GRM5: variants seen among roughly 807,000 people sequenced by gnomAD.
The protein encoded by GRM5 is metabotropic glutamate receptor 5.
A neutral mutation model predicts 83.1 loss-of-function variants in GRM5; 19 were observed. The observed-to-expected ratio is 0.23, with a 90% CI of 0.16 to 0.34. GRM5 has a LOEUF of 0.34. Ranked by LOEUF, GRM5 falls within the 10% of genes least tolerant of loss-of-function variation. GRM5 has a pLI of 1.00. For synonymous variants in GRM5, 675 were observed against 633.6 expected (o/e 1.07, Z -0.98); for missense variants, 1,160 against 1,588.3 (o/e 0.73, Z 4.58).
intron 4 of GRM5, among the ~76,000 whole-genome samples, chr11:88,638,516 T>C (rs1399819390): frequency 6.6e-6 from 1 of 152,126 alleles, no homozygotes; most frequent in African/African-American, 2.4e-5. Flanking sequence ...TTAGGAAGTA[T>C]TTCTACTTCT....
chr11:88,686,110 G>A (rs1276048919), intron 3 of GRM5, among the ~76,000 whole-genome samples: 1 of 152,168 alleles, frequency 6.6e-6, no homozygotes, highest in African/African-American at 2.4e-5. Flanking sequence ...AAGCAGCCAG[G>A]AGGGAGGCTG....
chr11:88,978,959 T>A (rs1783024839), intron 2 of GRM5, among the ~76,000 whole-genome samples: 1 of 152,170 alleles, frequency 6.6e-6, no homozygotes, highest in Non-Finnish European at 1.5e-5. Context: ...AGAAAAGACA[T>A]AAATACTATA....
At chr11:88,594,478 C>G (rs745755097) in intron 6 of GRM5, among the ~76,000 whole-genome samples, 2 of 152,192 alleles carry the variant, frequency 1.3e-5, no homozygotes, top group Admixed American at 6.5e-5. Context: ...AACAAATGAG[C>G]GTGGCTGTAT....
chr11:88,892,384 C>A (rs572633939), intron 2 of GRM5, among the ~76,000 whole-genome samples: 1 of 151,856 alleles, frequency 6.6e-6, no homozygotes, highest in African/African-American at 2.4e-5. Flanking sequence ...TCCAGGACCT[C>A]CAAGTTTATC....
At chr11:89,022,574 C>G (rs2135110831) in intron 2 of GRM5, among the ~76,000 whole-genome samples, 1 of 152,088 alleles carries the variant, frequency 6.6e-6, no homozygotes, top group African/African-American at 2.4e-5. Context: ...ATTGCTTAAA[C>G]CTGGGAGGCG....
intron 4 of GRM5, among the ~76,000 whole-genome samples, chr11:88,611,130 A>T (rs1405251307): frequency 4.6e-5 from 7 of 152,002 alleles, no homozygotes; most frequent in Admixed American, 1.3e-4. Context: ...GTATTTTTTG[A>T]GGATTTTTGC....
intron 3 of GRM5, among the ~76,000 whole-genome samples, chr11:88,819,967 A>G (rs1416197256): frequency 6.6e-6 from 1 of 152,176 alleles, no homozygotes; most frequent in African/African-American, 2.4e-5. Context: ...TAATTAATCT[A>G]TTCATGAGCT....
chr11:88,543,254 A>T (rs894672750), intron 8 of GRM5, among the ~76,000 whole-genome samples: 7 of 152,206 alleles, frequency 4.6e-5, no homozygotes, highest in Non-Finnish European at 8.8e-5. Context: ...AAGACATGAT[A>T]TTCTTTATCT....
intron 2 of GRM5, among the ~76,000 whole-genome samples, chr11:88,894,605 T>A (rs188298350): frequency 2.0e-5 from 3 of 152,114 alleles, no homozygotes; most frequent in Admixed American, 2.0e-4. Flanking sequence ...TTTCTGGCTG[T>A]GTGCTTGAAC....
chr11:88,544,036 A>G (rs1942335245), intron 8 of GRM5, among the ~76,000 whole-genome samples: 1 of 151,998 alleles, frequency 6.6e-6, no homozygotes, highest in African/African-American at 2.4e-5. Context: ...TGGTAAAAAG[A>G]TAAGTTTGTC....
intron 3 of GRM5, among the ~76,000 whole-genome samples, chr11:88,660,895 G>T (rs953358393): frequency 6.6e-6 from 1 of 152,130 alleles, no homozygotes; most frequent in Non-Finnish European, 1.5e-5. Flanking sequence ...GACAGATTTA[G>T]CTTGAATGCA....
At chr11:88,684,188 A>G (rs1194253233) in intron 3 of GRM5, among the ~76,000 whole-genome samples, 1 of 152,226 alleles carries the variant, frequency 6.6e-6, no homozygotes. Context: ...GAGACTAGTA[A>G]GAGATTACTT....
Position 88,892,720 on chromosome 11 carries a change from T to C in GRM5, c.662-42565A>G, listed in dbSNP as rs190106596. On this transcript the variant is annotated intron_variant, in intron 2 of 9. Coordinates refer to ENST00000305447, the MANE Select transcript of GRM5 (RefSeq NM_001143831.3). ...ATTGTTTTTAAGCTTTTTACCTACA[T>C]TTTAGACTAACCCTGCTTATTTCTG... is the stretch of plus-strand genomic sequence containing the variant. 7.2e-4 allele frequency among the ~76,000 whole-genome samples: 110 copies of C among 152,120 alleles called. 1 individual carries two copies. In the Middle Eastern group the frequency reaches 0.031, roughly 42 times the overall value.
chr11:88,868,346 G>C (rs1243109341), intron 2 of GRM5, among the ~76,000 whole-genome samples: 1 of 151,722 alleles, frequency 6.6e-6, no homozygotes, highest in Non-Finnish European at 1.5e-5. Context: ...GGATGTTTGA[G>C]CAAGTTATTA....
chr11:88,892,481 A>C (rs1945162439), intron 2 of GRM5, among the ~76,000 whole-genome samples: 1 of 152,042 alleles, frequency 6.6e-6, no homozygotes, highest in South Asian at 2.1e-4. Flanking sequence ...TCCTTATGGA[A>C]CAGAGTTCCA....
intron 3 of GRM5, among the ~76,000 whole-genome samples, chr11:88,803,575 T>C (rs1943441432): frequency 6.6e-6 from 1 of 152,170 alleles, no homozygotes; most frequent in African/African-American, 2.4e-5. Flanking sequence ...CCTAAAACCA[T>C]AACAACCTAG....
At chr11:88,595,275 A>G (rs926890624) in intron 6 of GRM5, among the ~76,000 whole-genome samples, 5 of 152,176 alleles carry the variant, frequency 3.3e-5, no homozygotes, top group Non-Finnish European at 7.4e-5. Context: ...TCCTCCTTCT[A>G]GCTATTTGAA....
intron 2 of GRM5, among the ~76,000 whole-genome samples, chr11:88,876,999 T>C (rs1246127887): frequency 6.6e-6 from 1 of 152,008 alleles, no homozygotes; most frequent in East Asian, 1.9e-4. Flanking sequence ...CCAATCATAA[T>C]TGGAATCTTA....
chr11:88,933,256 C>T (rs1246002855), intron 2 of GRM5, among the ~76,000 whole-genome samples: 1 of 116,300 alleles, frequency 8.6e-6, no homozygotes. Context: ...TGTTATCCTT[C>T]TCCTCAAGTA....
Sources: gnomAD v4.1 joint callset for allele counts (sites outside exome capture counted in the v4.1 genomes callset) on GRCh38, gnomAD v4.1.1 for gene constraint, MANE v1.5 for transcripts, NCBI Gene and HGNC (gene_info 2026-07-23, HGNC 2026-07-21) for gene names.